The following ESYT2 variants were observed in gnomAD, a reference collection of about 807,000 sequenced individuals.
The protein encoded by ESYT2 is extended synaptotagmin 2, also known as extended synaptotagmin-2.
A neutral mutation model predicts 107.2 loss-of-function variants in ESYT2; 54 were observed. The observed-to-expected ratio is 0.50, with a 90% CI of 0.40 to 0.63. ESYT2 has a LOEUF of 0.63. Ranked by LOEUF, ESYT2 falls within the 30% of genes least tolerant of loss-of-function variation. The pLI is 0.00. For missense variants in ESYT2, 1,020 were observed against 1,094.5 expected, an observed-to-expected ratio of 0.93 and a Z score of 0.96; for synonymous variants, 491 against 434.1, an observed-to-expected ratio of 1.13 and a Z score of -1.63.
intron 6 of ESYT2, among the ~76,000 whole-genome samples, chr7:158,777,255 T>C (rs907256245): frequency 1.3e-5 from 2 of 152,118 alleles, no homozygotes; most frequent in African/African-American, 4.8e-5. Flanking sequence ...AATATTGTTG[T>C]GTCTCAGGGA....
chr7:158,815,983 C>T (rs573749371), intron 1 of ESYT2, among the ~76,000 whole-genome samples: 1 of 152,130 alleles, frequency 6.6e-6, no homozygotes, highest in Non-Finnish European at 1.5e-5. Context: ...AGTAACAGCC[C>T]TCAAAAGATG....
chr7:158,806,464 A>T (rs888706987), intron 1 of ESYT2, among the ~76,000 whole-genome samples: 12 of 152,166 alleles, frequency 7.9e-5, no homozygotes, highest in Non-Finnish European at 1.8e-4. Flanking sequence ...CTTTTAGTGC[A>T]TGCGTGAAAT....
intron 17 of ESYT2, among the ~76,000 whole-genome samples, 178 bp downstream of exon 17, chr7:158,743,351 C>T (rs755128488): frequency 7.2e-5 from 11 of 152,162 alleles, no homozygotes; most frequent in Non-Finnish European, 1.2e-4. Context: ...GTCTTCTCCC[C>T]GGAACCCTCT....
Position 158,734,192 on chromosome 7 carries a change from T to C in ESYT2, c.*15A>G. ...GGAGAGCTACGCTGAAGAGGACGCC[T>C]CCTGCCTGCTGCGGCTATGTCATCG... On this transcript the variant is annotated 3_prime_UTR_variant, in exon 23 of 23. Transcript: ENST00000275418. The C allele has an allele frequency of 6.2e-7, 1 of 1,614,106 alleles. No individual in the cohort carries two copies. Among genetic ancestry groups the C allele is most frequent in the Middle Eastern group, 1.7e-4 (1 of 5,986 alleles).
At chr7:158,796,009 A>G (rs1377096413) in intron 3 of ESYT2, among the ~76,000 whole-genome samples, 2 of 152,242 alleles carry the variant, frequency 1.3e-5, no homozygotes, top group Non-Finnish European at 2.9e-5. Context: ...GGTAGCCAGC[A>G]GCCTGGAGAT....
At chr7:158,794,985 A>T (rs1006593500) in intron 3 of ESYT2, among the ~76,000 whole-genome samples, 5 of 152,150 alleles carry the variant, frequency 3.3e-5, no homozygotes, top group African/African-American at 1.2e-4. Context: ...AAACACAATC[A>T]ACACACTATT....
intron 1 of ESYT2, among the ~76,000 whole-genome samples, chr7:158,804,560 G>GCGCGACAAACCCAAAC (rs1839765172): frequency 6.7e-6 from 1 of 149,650 alleles, no homozygotes; most frequent in South Asian, 2.1e-4. Flanking sequence ...AGGGTGAGGC[G>GCGCGACAAACCCAAAC]TGTGATAAAC....
At chr7:158,796,542 G>A (rs538505312) in intron 3 of ESYT2, among the ~76,000 whole-genome samples, 3 of 152,288 alleles carry the variant, frequency 2.0e-5, no homozygotes, top group Non-Finnish European at 2.9e-5. Context: ...TCGCTCACAG[G>A]AAAGACTACT....
chr7:158,767,511 A>C, intron 8 of ESYT2, 143 bp downstream of exon 8: 1 of 1,071,652 alleles, frequency 9.3e-7, no homozygotes, highest in Admixed American at 2.4e-5. Context: ...AGTGACGGAC[A>C]ACCAATAGTC....
chr7:158,780,353 T>C (rs1316305617), intron 6 of ESYT2, among the ~76,000 whole-genome samples: 1 of 152,224 alleles, frequency 6.6e-6, no homozygotes, highest in Non-Finnish European at 1.5e-5. Context: ...TATCAAGGAC[T>C]AGCACATGTG....
intron 1 of ESYT2, among the ~76,000 whole-genome samples, chr7:158,809,424 C>T (rs1839928291): frequency 2.4e-5 from 3 of 126,154 alleles, no homozygotes; most frequent in Admixed American, 1.1e-4. Context: ...TGCAGTGAGC[C>T]GAGATCGCAC....
intron 1 of ESYT2, among the ~76,000 whole-genome samples, chr7:158,817,198 C>T (rs1411143157): frequency 1.3e-5 from 2 of 152,204 alleles, no homozygotes; most frequent in Non-Finnish European, 2.9e-5. Context: ...GCATCGGACA[C>T]ACCTCATTAC....
intron 13 of ESYT2, among the ~76,000 whole-genome samples, chr7:158,754,713 A>T (rs557709534): frequency 6.6e-6 from 1 of 152,302 alleles, no homozygotes; most frequent in South Asian, 2.1e-4. Context: ...TTCACTTTGC[A>T]CTAGGGTCGA....
In ESYT2 at chr7:158,752,799, T is replaced by C; in HGVS notation, c.1464A>G (p.Ala488=). The part of the protein sequence containing the change: ...EFNPDVLKKT[A]VQRALKSGKK... ...AGTTTACCTTTAAAGCTCTCTGAACTGCAGTCTTCTTCAAGACATCGGGGT... is the reference window on the plus strand; with the variant it reads ...AGTTTACCTTTAAAGCTCTCTGAACCGCAGTCTTCTTCAAGACATCGGGGT... Residue 488 remains alanine, a synonymous_variant, in exon 14 of 23, where the codon GCA becomes GCG. Coordinates refer to ENST00000275418, the MANE Select transcript of ESYT2 (RefSeq NM_001367773.1). 3.1e-6 allele frequency: 4 copies of C among 1,304,194 alleles called. No individual in the cohort carries two copies. The highest frequency in any genetic ancestry group is 4.0e-6 in the Non-Finnish European group (4 of 988,978). The allele number at this position is 1,304,194 out of a possible 1,614,324, so 80.8% of individuals were successfully genotyped here. A position where few individuals can be genotyped will look rare whatever the true frequency, so the allele number is the denominator to read the frequency against.
chr7:158,792,154 C>T (rs1453267533), intron 4 of ESYT2, among the ~76,000 whole-genome samples: 2 of 138,578 alleles, frequency 1.4e-5, no homozygotes, highest in Admixed American at 1.4e-4. Context: ...CTTAGTTCCA[C>T]GAGTTCTTTT....
chr7:158,773,422 T>G, intron 6 of ESYT2, 26 bp from the exon 7 acceptor site: 3 of 1,612,732 alleles, frequency 1.9e-6, no homozygotes, highest in Non-Finnish European at 2.5e-6. Flanking sequence ...GGCAAAATAT[T>G]AAGTTCCAAA....
chr7:158,769,723 G>A (rs984873072), intron 7 of ESYT2, among the ~76,000 whole-genome samples: 2 of 152,066 alleles, frequency 1.3e-5, no homozygotes, highest in Non-Finnish European at 2.9e-5. Flanking sequence ...GCTTAGAGCC[G>A]CTTATTAAAA....
Position 158,789,499 on chromosome 7 carries a change from G to C in ESYT2, c.585-1082C>G, listed in dbSNP as rs866580271. Among the ~76,000 whole-genome samples, 3 of 152,032 alleles carry C rather than the reference G, an allele frequency of 2.0e-5. No individual in the cohort carries two copies. The South Asian group carries it at 6.2e-4, about 31-fold the overall frequency. ...AGCCTTCCGAGTAGCTGGGATTACAGGTGTGTGCCACTACGCTAATTAATT... is the reference window on the plus strand; with the variant it reads ...AGCCTTCCGAGTAGCTGGGATTACACGTGTGTGCCACTACGCTAATTAATT... On this transcript the variant is annotated intron_variant, in intron 4 of 22. Coordinates refer to ENST00000275418, the MANE Select transcript of ESYT2 (RefSeq NM_001367773.1).
intron 11 of ESYT2, among the ~76,000 whole-genome samples, chr7:158,760,900 A>G (rs1837938862): frequency 6.6e-6 from 1 of 152,206 alleles, no homozygotes; most frequent in Admixed American, 6.5e-5. Flanking sequence ...CACTCAAGGG[A>G]AGGAAACGTG....
Sources: gnomAD v4.1 joint callset for allele counts (sites outside exome capture counted in the v4.1 genomes callset) on GRCh38, gnomAD v4.1.1 for gene constraint, MANE v1.5 for transcripts, NCBI Gene and HGNC (gene_info 2026-07-23, HGNC 2026-07-21) for gene names.